Variants in FHIT observed in about 807,000 individuals in gnomAD.
FHIT encodes bis(5'-adenosyl)-triphosphatase.
FHIT carries 19 observed loss-of-function variants against 17.9 expected under a neutral mutation model. That is an observed-to-expected ratio of 1.06 (90% CI 0.74 to 1.56). The LOEUF (loss-of-function observed/expected upper bound fraction) is 1.56, where lower values mean the gene tolerates loss of function less well. Among genes scored for constraint, FHIT ranks in the 40% most tolerant of loss-of-function variants. FHIT has a pLI of 0.00. For missense variants in FHIT, 248 were observed against 189.2 expected (o/e 1.31, Z -1.82); for synonymous variants, 81 against 69.7 (o/e 1.16, Z -0.81).
At chr3:60,388,139 C>G (rs887108627) in intron 5 of FHIT, among the ~76,000 whole-genome samples, 5 of 152,154 alleles carry the variant, frequency 3.3e-5, no homozygotes, top group Admixed American at 2.0e-4. Flanking sequence ...TATAAATTAC[C>G]TAGTCTCAGG....
chr3:60,878,717 C>G (rs1352767558), intron 3 of FHIT, among the ~76,000 whole-genome samples: 1 of 152,014 alleles, frequency 6.6e-6, no homozygotes, highest in African/African-American at 2.4e-5. Flanking sequence ...TCAATTCCCA[C>G]CTATGAGTGA....
At chr3:60,207,448 T>C (rs1703250330) in intron 5 of FHIT, among the ~76,000 whole-genome samples, 1 of 152,130 alleles carries the variant, frequency 6.6e-6, no homozygotes, top group Non-Finnish European at 1.5e-5. Context: ...TTACTATATC[T>C]GTATTTTTTT....
At chr3:59,907,307 G>A (rs561521858) in intron 8 of FHIT, among the ~76,000 whole-genome samples, 78 of 152,276 alleles carry the variant, frequency 5.1e-4, no homozygotes, top group African/African-American at 1.9e-3. Flanking sequence ...ATGTGTAGCA[G>A]GCTAATATTT....
At chr3:60,924,884 A>C (rs1707496935) in intron 3 of FHIT, among the ~76,000 whole-genome samples, 2 of 152,196 alleles carry the variant, frequency 1.3e-5, no homozygotes. Flanking sequence ...GGAGCTGAAA[A>C]CCACGGCACC....
chr3:61,237,687 C>A (rs1388227211), intron 1 of FHIT, among the ~76,000 whole-genome samples: 1 of 152,168 alleles, frequency 6.6e-6, no homozygotes, highest in Non-Finnish European at 1.5e-5. Flanking sequence ...ATGTATCAGG[C>A]ACTGTGTAGA....
intron 5 of FHIT, among the ~76,000 whole-genome samples, chr3:60,490,979 G>C (rs1261888369): frequency 6.6e-6 from 1 of 152,080 alleles, no homozygotes; most frequent in Non-Finnish European, 1.5e-5. Context: ...AAAGGTAATT[G>C]CAAAATAAAA....
intron 4 of FHIT, among the ~76,000 whole-genome samples, chr3:60,788,287 T>A (rs560939967): frequency 1.3e-5 from 2 of 152,080 alleles, no homozygotes; most frequent in Admixed American, 1.3e-4. Context: ...TGAGACCCTA[T>A]CTCTTAAAAA....
intron 3 of FHIT, among the ~76,000 whole-genome samples, chr3:60,926,969 C>G (rs979583219): frequency 6.6e-6 from 1 of 152,170 alleles, no homozygotes; most frequent in African/African-American, 2.4e-5. Flanking sequence ...CTCTCCCTCT[C>G]CCTTTCATCT....
intron 4 of FHIT, among the ~76,000 whole-genome samples, chr3:60,649,010 CAT>C (rs1237906947): frequency 2.8e-4 from 42 of 152,258 alleles, no homozygotes; most frequent in African/African-American, 9.6e-4. Flanking sequence ...CATATACACA[CAT>C]ATATGTTATA....
At chr3:60,192,228 G>A (rs531794126) in intron 5 of FHIT, among the ~76,000 whole-genome samples, 1 of 135,568 alleles carries the variant, frequency 7.4e-6, no homozygotes, top group African/African-American at 2.8e-5. Context: ...TCCAGCCTGG[G>A]CAACAGAGCA....
intron 5 of FHIT, among the ~76,000 whole-genome samples, chr3:60,352,657 A>G (rs759654781): frequency 2.0e-5 from 3 of 152,068 alleles, no homozygotes; most frequent in Non-Finnish European, 4.4e-5. Context: ...GTCCACCACC[A>G]CAGTCAGGTA....
chr3:61,249,396 T>C (rs1261078099), intron 1 of FHIT, among the ~76,000 whole-genome samples: 1 of 152,230 alleles, frequency 6.6e-6, no homozygotes, highest in East Asian at 1.9e-4. Context: ...TGCATTAGAA[T>C]TAAATGATCT....
chr3:60,291,675 A>G (rs1707991744), intron 5 of FHIT, among the ~76,000 whole-genome samples: 1 of 152,138 alleles, frequency 6.6e-6, no homozygotes, highest in African/African-American at 2.4e-5. Context: ...TTTTACCCTT[A>G]CTATCTGCTT....
intron 1 of FHIT, among the ~76,000 whole-genome samples, chr3:61,212,677 G>A (rs376468029): frequency 2.0e-5 from 3 of 151,962 alleles, no homozygotes; most frequent in South Asian, 2.1e-4. Flanking sequence ...CCTCGAGAAG[G>A]GCAACTCCAA....
At chr3:60,941,028 T>C (rs1401546807) in intron 3 of FHIT, among the ~76,000 whole-genome samples, 1 of 152,196 alleles carries the variant, frequency 6.6e-6, no homozygotes. Context: ...ATTTTAATAA[T>C]ATTTTATGTA....
chr3:60,711,318 T>C (rs1378791163), intron 4 of FHIT, among the ~76,000 whole-genome samples: 3 of 151,908 alleles, frequency 2.0e-5, no homozygotes, highest in Admixed American at 1.3e-4. Context: ...ACCACAAAGA[T>C]GGGGAAAAAA....
At chr3:60,784,081 G>A (rs1036611116) in intron 4 of FHIT, among the ~76,000 whole-genome samples, 1 of 152,106 alleles carries the variant, frequency 6.6e-6, no homozygotes, top group South Asian at 2.1e-4. Context: ...AATGTCCTCT[G>A]CTCATCCATC....
Position 60,270,987 on chromosome 3 carries a change from T to C in FHIT, c.104-256835A>G, listed in dbSNP as rs146222740. ...ACCGAAATCAGTAATAGAGGACTTA[T>C]GCTGGACCTATAGGAGATTTTCTTC... On this transcript the variant is annotated intron_variant, in intron 5 of 9. Transcript: ENST00000492590. Among the ~76,000 whole-genome samples, 892 of 152,330 alleles carry C rather than the reference T, an allele frequency of 5.9e-3. 15 individuals carry two copies. The highest frequency in any genetic ancestry group is 0.051 in the East Asian group (262 of 5,182).
intron 3 of FHIT, among the ~76,000 whole-genome samples, chr3:60,931,534 T>C (rs1038829397): frequency 2.0e-5 from 3 of 152,174 alleles, no homozygotes; most frequent in Non-Finnish European, 4.4e-5. Context: ...TTAGTACAGA[T>C]CTGTGTTAAG....
Sources: gnomAD v4.1 joint callset for allele counts (sites outside exome capture counted in the v4.1 genomes callset) on GRCh38, gnomAD v4.1.1 for gene constraint, MANE v1.5 for transcripts, NCBI Gene and HGNC (gene_info 2026-07-23, HGNC 2026-07-21) for gene names.